The following GSE1 variants were observed in gnomAD, a reference collection of about 807,000 sequenced individuals.
GSE1 encodes genetic suppressor element 1.
A neutral mutation model predicts 112.6 loss-of-function variants in GSE1; 32 were observed. The ratio of observed to expected loss-of-function variants is 0.28; its 90% CI spans 0.21 to 0.38. The LOEUF (loss-of-function observed/expected upper bound fraction) is 0.38. Among genes scored for constraint, GSE1 ranks in the 10% least tolerant of loss-of-function variants. GSE1 has a pLI of 1.00. For synonymous variants in GSE1, 1,115 were observed against 735.6 expected (o/e 1.52, Z -8.35); for missense variants, 2,348 against 1,699.2 (o/e 1.38, Z -6.71).
chr16:85,193,160 A>T lies in GSE1; in HGVS notation c.2283+21353A>T, dbSNP rs569822365. On this transcript the variant is annotated intron_variant, in intron 1 of 2. Transcript: ENST00000637419. Reference sequence around the variant, plus strand: ...CTATTAAGACTTCATCAAAAGAATAAGAAAAAAGGTTGAACACCGAGTCCA... The same window carrying T: ...CTATTAAGACTTCATCAAAAGAATATGAAAAAAGGTTGAACACCGAGTCCA... 2.6e-5 allele frequency among the ~76,000 whole-genome samples: 4 copies of T among 152,326 alleles called. No individual in the cohort carries two copies. In the South Asian group the frequency reaches 8.3e-4, roughly 32 times the overall value.
At chr16:85,194,335 C>T (rs980364425) in intron 1 of GSE1, among the ~76,000 whole-genome samples, 4 of 152,154 alleles carry the variant, frequency 2.6e-5, no homozygotes, top group African/African-American at 9.7e-5. Context: ...TTAGGGAGGC[C>T]AGTGGATTCG....
chr16:85,176,416 C>T (rs1001849377), intron 1 of GSE1, among the ~76,000 whole-genome samples: 3 of 152,246 alleles, frequency 2.0e-5, no homozygotes, highest in Admixed American at 1.3e-4. Flanking sequence ...ACTTGGCTGC[C>T]TTGGCTGCAC....
chr16:85,190,111 C>G (rs1409682783), intron 1 of GSE1, among the ~76,000 whole-genome samples: 1 of 152,184 alleles, frequency 6.6e-6, no homozygotes, highest in Non-Finnish European at 1.5e-5. Context: ...GGGCACACTT[C>G]CCAAGCCTGA....
chr16:85,552,942 G>C (rs533840393), upstream of GSE1, among the ~76,000 whole-genome samples: 71 of 152,366 alleles, frequency 4.7e-4, 1 homozygote, highest in South Asian at 0.014. Context: ...AGTGGAGGAA[G>C]GTTTAGTATT....
At chr16:85,637,682 T>A (rs1219400734) in intron 2 of GSE1, among the ~76,000 whole-genome samples, 3 of 151,916 alleles carry the variant, frequency 2.0e-5, no homozygotes, top group Non-Finnish European at 4.4e-5. Context: ...CATGGGGAAT[T>A]CCAATCCCCA....
At chr16:85,544,864 G>A (rs1244867483) in intron 2 of GSE1, among the ~76,000 whole-genome samples, 1 of 152,250 alleles carries the variant, frequency 6.6e-6, no homozygotes, top group Non-Finnish European at 1.5e-5. Flanking sequence ...TTGCCCCCAG[G>A]CAGCAGAACA....
intron 1 of GSE1, among the ~76,000 whole-genome samples, chr16:85,354,758 G>C (rs1430805320): frequency 6.6e-6 from 1 of 152,228 alleles, no homozygotes; most frequent in Non-Finnish European, 1.5e-5. Context: ...GAGCCTCTGG[G>C]GCTGGCTGGA....
intron 1 of GSE1, among the ~76,000 whole-genome samples, chr16:85,574,622 C>T (rs192630491): frequency 2.6e-5 from 4 of 152,358 alleles, no homozygotes; most frequent in East Asian, 1.9e-4. Context: ...CCTCTCCGCC[C>T]GGCCTCCAGA....
At chr16:85,669,661 T>C (rs2053167047) in intron 14 of GSE1, among the ~76,000 whole-genome samples, 4 of 152,250 alleles carry the variant, frequency 2.6e-5, no homozygotes, top group Admixed American at 6.5e-5. Context: ...GTAGGTTTTT[T>C]GGTGTGGTGT....
chr16:85,573,510 G>A (rs1364306168), intron 1 of GSE1, among the ~76,000 whole-genome samples: 1 of 152,172 alleles, frequency 6.6e-6, no homozygotes, highest in Non-Finnish European at 1.5e-5. Flanking sequence ...CTTCTGGTAA[G>A]TCTATTTAAC....
At chr16:85,236,055 G>A (rs1378382810) in intron 1 of GSE1, among the ~76,000 whole-genome samples, 1 of 152,054 alleles carries the variant, frequency 6.6e-6, no homozygotes, top group Non-Finnish European at 1.5e-5. Flanking sequence ...TGGGGCTGGT[G>A]CCGCCCCTCC....
At chr16:85,306,572 T>TG (rs1363580719) in intron 1 of GSE1, among the ~76,000 whole-genome samples, 1 of 152,122 alleles carries the variant, frequency 6.6e-6, no homozygotes, top group East Asian at 1.9e-4. Flanking sequence ...GTTTTAGAGA[T>TG]GGGGTCTCCT....
At chr16:85,331,570 T>C (rs1188744548) in intron 1 of GSE1, among the ~76,000 whole-genome samples, 5 of 88,118 alleles carry the variant, frequency 5.7e-5, no homozygotes, top group East Asian at 3.3e-4. Flanking sequence ...TATGTGTATA[T>C]ATGTGTACAT....
intron 2 of GSE1, among the ~76,000 whole-genome samples, chr16:85,374,392 T>G (rs1259044422): frequency 6.6e-6 from 1 of 150,996 alleles, no homozygotes; most frequent in East Asian, 1.9e-4. Context: ...ATGTGTGTGG[T>G]TGTGTGTGGC....
Position 85,655,723 on chromosome 16 carries a change from C to A in GSE1, c.798-3C>A. ...TGCTCACAGCCCCGTCTTCTCTGCA[C>A]AGGATGGACGACTCCTACTGCCTGT... On this transcript the variant is annotated splice_polypyrimidine_tract_variant and splice_region_variant and intron_variant, in intron 5 of 15. Transcript: ENST00000253458. 1 of 1,593,052 alleles carries A rather than the reference C, an allele frequency of 6.3e-7. No individual in the cohort carries two copies. The highest frequency in any genetic ancestry group is 1.1e-5 in the South Asian group (1 of 88,134).
chr16:85,400,455 T>C (rs1287678338), intron 2 of GSE1, among the ~76,000 whole-genome samples: 1 of 151,840 alleles, frequency 6.6e-6, no homozygotes, highest in Admixed American at 6.6e-5. Context: ...TGTATGTCCG[T>C]GTGTTGTATG....
At chr16:85,545,775 TG>T (rs2044673922) in intron 2 of GSE1, among the ~76,000 whole-genome samples, 2 of 135,324 alleles carry the variant, frequency 1.5e-5, no homozygotes, top group South Asian at 2.4e-4. Context: ...TTTTTTGGTT[TG>T]TTTGTTTGTT....
chr16:85,667,219 A>AG (rs2052936931), intron 13 of GSE1, among the ~76,000 whole-genome samples: 1 of 152,240 alleles, frequency 6.6e-6, no homozygotes, highest in Admixed American at 6.5e-5. Flanking sequence ...CTGTGGCCCT[A>AG]GGACACTTTC....
At position 85,225,163 on chromosome 16, in the gene GSE1, G is replaced by A. The variant is rs577968310; in HGVS notation, c.2283+53356G>A. On this transcript the variant is annotated intron_variant, in intron 1 of 2. Coordinates refer to the GSE1 transcript ENST00000637419. ...AAGAAGTAAGTGAATAGTAGACCACGTGGGATCACAGGGAGCTGAATGCAA... is the reference window on the plus strand; with the variant it reads ...AAGAAGTAAGTGAATAGTAGACCACATGGGATCACAGGGAGCTGAATGCAA... Among the ~76,000 whole-genome samples, 10 of 152,156 alleles carry A rather than the reference G, an allele frequency of 6.6e-5. No homozygotes were observed. The Middle Eastern group carries it at 0.01, about 155-fold the overall frequency.
Sources: allele counts gnomAD v4.1 joint callset (sites outside exome capture counted in the v4.1 genomes callset), GRCh38; gene constraint gnomAD v4.1.1; transcripts MANE v1.5; gene names NCBI Gene and HGNC (gene_info 2026-07-23, HGNC 2026-07-21).